Variants in XKR9 observed in about 807,000 individuals in gnomAD.
XKR9 encodes XK-related protein 9.
XKR9 carries 32 observed loss-of-function variants against 32.0 expected under a neutral mutation model. The ratio of observed to expected loss-of-function variants is 1.00; its 90% CI spans 0.76 to 1.34. XKR9 has a LOEUF of 1.34. XKR9 is among the 40% of genes most tolerant of loss of function. XKR9 has a pLI of 0.00. For synonymous variants in XKR9, 168 were observed against 143.4 expected (o/e 1.17, Z -1.22); for missense variants, 546 against 429.7 (o/e 1.27, Z -2.39).
the XKR9 span, among the ~76,000 whole-genome samples, chr8:70,854,737 A>G: frequency 3.3e-5 from 5 of 152,194 alleles, no homozygotes; most frequent in African/African-American, 7.2e-5. Context: ...AGCTTTCTAC[A>G]TATGGCAAGC....
Position 70,734,171 on chromosome 8 carries a change from A to G in XKR9, c.869A>G (p.Tyr290Cys). The stretch of plus-strand genomic sequence containing the variant: ...AATACCAAGTGTCCAATGTCTTGTT[A>G]TTATATTGTTAGGGTACTGGGCACT... ...GQNTKCPMSCYYIVRVLGTLG... is the reference protein window; with the variant it reads ...GQNTKCPMSCCYIVRVLGTLG... The change falls in exon 5 of 5, where the codon TAT becomes TGT. Residue 290 changes from tyrosine (Y) to cysteine (C), a missense_variant. By Grantham distance (194) the Tyr-to-Cys change is radical. Coordinates refer to ENST00000408926, the MANE Select transcript of XKR9 (RefSeq NM_001011720.2). 6.2e-7 allele frequency: 1 copy of G among 1,613,224 alleles called. No homozygotes were observed. Among genetic ancestry groups the G allele is most frequent in the South Asian group, 1.1e-5 (1 of 91,016 alleles).
At chr8:70,937,987 G>A in the XKR9 span, among the ~76,000 whole-genome samples, 1 of 152,076 alleles carries the variant, frequency 6.6e-6, no homozygotes, top group Admixed American at 6.6e-5. Flanking sequence ...AGAGGGATGG[G>A]TTCTATCTTC....
the XKR9 span, among the ~76,000 whole-genome samples, chr8:70,978,444 T>G: frequency 1.3e-5 from 2 of 152,218 alleles, no homozygotes; most frequent in African/African-American, 4.8e-5. Flanking sequence ...TGACAAAATC[T>G]CTCAGCATTT....
At chr8:70,791,329 G>A (rs1468281855), downstream of XKR9, among the ~76,000 whole-genome samples, 1 of 151,642 alleles carries the variant, frequency 6.6e-6, no homozygotes, top group African/African-American at 2.4e-5. Context: ...AAAAAAGAAT[G>A]GGTCTTTCAA....
At chr8:70,780,588 G>A (rs1269534590) in intron 2 of XKR9, among the ~76,000 whole-genome samples, 1 of 152,092 alleles carries the variant, frequency 6.6e-6, no homozygotes, top group African/African-American at 2.4e-5. Flanking sequence ...GAAGCTTGAA[G>A]AGGCAAGGAA....
chr8:70,983,667 G>A, the XKR9 span, among the ~76,000 whole-genome samples: 4 of 152,210 alleles, frequency 2.6e-5, no homozygotes, highest in East Asian at 7.7e-4. Context: ...TGTAATCCCA[G>A]CTACTCAGGA....
At chr8:70,963,125 C>T in the XKR9 span, among the ~76,000 whole-genome samples, 1 of 152,098 alleles carries the variant, frequency 6.6e-6, no homozygotes, top group Non-Finnish European at 1.5e-5. Flanking sequence ...TCCCCCAGTC[C>T]CCACCTGAGA....
the XKR9 span, among the ~76,000 whole-genome samples, chr8:70,983,619 A>G: frequency 6.6e-6 from 1 of 152,000 alleles, no homozygotes; most frequent in African/African-American, 2.4e-5. Context: ...CGTCTCTACT[A>G]AAAATACAAA....
the XKR9 span, among the ~76,000 whole-genome samples, chr8:70,926,950 C>T: frequency 6.6e-6 from 1 of 151,834 alleles, no homozygotes; most frequent in Non-Finnish European, 1.5e-5. Context: ...AGAGCTTCTA[C>T]CATTATTTCT....
intron 2 of XKR9, among the ~76,000 whole-genome samples, chr8:70,782,794 G>A (rs141692874): frequency 1.3e-5 from 2 of 152,154 alleles, no homozygotes; most frequent in East Asian, 1.9e-4. Context: ...TACTGCGTAT[G>A]TAGACCACAT....
chr8:71,053,621 C>T, the XKR9 span, among the ~76,000 whole-genome samples: 6 of 117,246 alleles, frequency 5.1e-5, no homozygotes, highest in Non-Finnish European at 9.3e-5. Context: ...ATCCTAGTCC[C>T]ATCTGAGTTT....
chr8:71,001,350 T>A, the XKR9 span, among the ~76,000 whole-genome samples: 1 of 151,938 alleles, frequency 6.6e-6, no homozygotes, highest in Non-Finnish European at 1.5e-5. Flanking sequence ...CAGCCTCAAC[T>A]CCCCGGGTTC....
At chr8:71,033,129 A>C in the XKR9 span, among the ~76,000 whole-genome samples, 1 of 152,126 alleles carries the variant, frequency 6.6e-6, no homozygotes, top group Non-Finnish European at 1.5e-5. Flanking sequence ...CAGGTAAAAT[A>C]ACCTATAATA....
At chr8:70,771,049 C>T (rs1807447476) in intron 2 of XKR9, among the ~76,000 whole-genome samples, 2 of 152,134 alleles carry the variant, frequency 1.3e-5, no homozygotes, top group African/African-American at 2.4e-5. Flanking sequence ...GGTGTAGGCA[C>T]CTGAGGGAAT....
chr8:70,902,495 A>G, the XKR9 span, among the ~76,000 whole-genome samples: 1 of 152,188 alleles, frequency 6.6e-6, no homozygotes, highest in Non-Finnish European at 1.5e-5. Flanking sequence ...ATTTTTGCAC[A>G]TTGATTTTGT....
chr8:70,678,131 A>G lies in XKR9; in HGVS notation c.-278-2650A>G, dbSNP rs1302182752. ...TGGCCAATTTCACTACTCAAATGCCACCTTCTCAGTGAGTCCTGCCCTGAC... is the reference window on the plus strand; with the variant it reads ...TGGCCAATTTCACTACTCAAATGCCGCCTTCTCAGTGAGTCCTGCCCTGAC... On this transcript the variant is annotated intron_variant, in intron 2 of 4. Coordinates refer to ENST00000408926, the MANE Select transcript of XKR9 (RefSeq NM_001011720.2). 2.0e-5 allele frequency: 3 copies of G among 152,120 alleles called. No homozygotes were observed. In the East Asian group the frequency reaches 5.8e-4, roughly 29 times the overall value. The allele number at this position is 152,120 out of a possible 1,614,324, so 9.4% of individuals were successfully genotyped here.
the XKR9 span, among the ~76,000 whole-genome samples, chr8:70,860,232 C>A: frequency 2.6e-5 from 4 of 152,144 alleles, no homozygotes; most frequent in South Asian, 2.1e-4. Flanking sequence ...GGAGGTGGGG[C>A]CTTTGAGAGG....
intron 2 of XKR9, among the ~76,000 whole-genome samples, chr8:70,789,014 A>AT (rs1376585096): frequency 6.6e-6 from 1 of 152,052 alleles, no homozygotes; most frequent in Non-Finnish European, 1.5e-5. Flanking sequence ...GAAGTTCCTT[A>AT]TGAGGACCAT....
the XKR9 span, among the ~76,000 whole-genome samples, chr8:71,030,084 A>G: frequency 3.3e-5 from 5 of 152,140 alleles, no homozygotes; most frequent in Non-Finnish European, 5.9e-5. Flanking sequence ...TAAGCCAGGA[A>G]TCCCTCTACA....
Sources: allele counts gnomAD v4.1 joint callset (sites outside exome capture counted in the v4.1 genomes callset), GRCh38; gene constraint gnomAD v4.1.1; transcripts MANE v1.5; gene names NCBI Gene and HGNC (gene_info 2026-07-23, HGNC 2026-07-21).